KCNMA1: variants seen among roughly 807,000 people sequenced by gnomAD.
KCNMA1 encodes the protein potassium calcium-activated channel subfamily M alpha 1.
KCNMA1 carries 29 observed loss-of-function variants against 140.0 expected under a neutral mutation model. The observed-to-expected ratio is 0.21, with a 90% CI of 0.15 to 0.28. KCNMA1 has a LOEUF of 0.28. KCNMA1 is among the 10% of genes least tolerant of loss of function. The probability of loss-of-function intolerance (pLI) is 1.00; values close to 1 mark genes in which losing one functional copy is unlikely to be tolerated. For missense variants in KCNMA1, 880 were observed against 1,602.2 expected, an observed-to-expected ratio of 0.55 and a Z score of 7.70; for synonymous variants, 612 against 611.9, an observed-to-expected ratio of 1.00 and a Z score of 0.00.
chr10:77,193,049 GT>G (rs34588382), intron 3 of KCNMA1, among the ~76,000 whole-genome samples: 37 of 148,110 alleles, frequency 2.5e-4, no homozygotes, highest in Admixed American at 8.1e-4. Context: ...TTTTTTCCTA[GT>G]TTTTTTTTTT....
At position 76,963,641 on chromosome 10, in the gene KCNMA1, C is replaced by T. The variant is rs550093022; in HGVS notation, c.2360+6333G>A. ...CTCTGTGACTCTGTGGAACTCGAGGCATTGTGTCAACACTTGATTCTTGAT... is the reference window on the plus strand; with the variant it reads ...CTCTGTGACTCTGTGGAACTCGAGGTATTGTGTCAACACTTGATTCTTGAT... On this transcript the variant is annotated intron_variant, in intron 20 of 27. Coordinates refer to ENST00000286628, the MANE Select transcript of KCNMA1 (RefSeq NM_001161352.2). Among the ~76,000 whole-genome samples the T allele has an allele frequency of 3.3e-5, 5 of 152,274 alleles. No individual in the cohort carries two copies. The South Asian group carries it at 1.0e-3, about 32-fold the overall frequency.
chr10:77,475,244 G>A (rs2098253318), intron 1 of KCNMA1, among the ~76,000 whole-genome samples: 1 of 152,182 alleles, frequency 6.6e-6, no homozygotes, highest in Non-Finnish European at 1.5e-5. Context: ...GGTGCCCAGT[G>A]GCTTCTCAAG....
At chr10:77,118,480 A>G (rs1311216845) in intron 6 of KCNMA1, among the ~76,000 whole-genome samples, 1 of 151,962 alleles carries the variant, frequency 6.6e-6, no homozygotes, top group Admixed American at 6.5e-5. Context: ...TACCCTCTTA[A>G]CCTCATCCTC....
At chr10:77,039,258 G>A (rs1463551449) in intron 15 of KCNMA1, 1 of 539,254 alleles carries the variant, frequency 1.9e-6, no homozygotes, top group Non-Finnish European at 3.4e-6. Flanking sequence ...AAGGCATGCA[G>A]GATAACTGTA....
intron 17 of KCNMA1, among the ~76,000 whole-genome samples, chr10:77,012,742 AG>A (rs2091131309): frequency 1.3e-5 from 2 of 152,188 alleles, no homozygotes; most frequent in African/African-American, 2.4e-5. Flanking sequence ...GACCACTGGA[AG>A]GGGGTGAGTA....
chr10:77,098,224 A>T (rs997805875), intron 9 of KCNMA1, among the ~76,000 whole-genome samples: 3 of 152,170 alleles, frequency 2.0e-5, no homozygotes, highest in Admixed American at 1.3e-4. Flanking sequence ...TGCCGGGGAC[A>T]TTGGTAGATT....
intron 22 of KCNMA1, among the ~76,000 whole-genome samples, chr10:76,948,199 T>C (rs755468405): frequency 2.6e-5 from 4 of 151,930 alleles, no homozygotes; most frequent in Non-Finnish European, 4.4e-5. Flanking sequence ...AGAGAAGAGG[T>C]CTCACCATGT....
intron 18 of KCNMA1, among the ~76,000 whole-genome samples, chr10:77,006,493 G>A (rs1210929758): frequency 6.6e-6 from 1 of 152,198 alleles, no homozygotes; most frequent in East Asian, 1.9e-4. Context: ...CTTTGATGTG[G>A]CACTGGGAAT....
At position 76,966,790 on chromosome 10, in the gene KCNMA1, G is replaced by A. The variant is rs572389473; in HGVS notation, c.2360+3184C>T. Among the ~76,000 whole-genome samples, 69 of 152,294 alleles carry A rather than the reference G, an allele frequency of 4.5e-4. No individual in the cohort carries two copies. In the South Asian group the frequency reaches 9.7e-3, roughly 21 times the overall value. ...CCTCCATGGCTCACACCTCCTCTGC[G>A]GGTGTGGAGCCAAATTTATCCATCA... On this transcript the variant is annotated intron_variant, in intron 20 of 27. Coordinates refer to ENST00000286628, the MANE Select transcript of KCNMA1 (RefSeq NM_001161352.2).
intron 2 of KCNMA1, among the ~76,000 whole-genome samples, chr10:77,358,808 CA>C (rs1407328247): frequency 6.6e-6 from 1 of 152,228 alleles, no homozygotes; most frequent in Non-Finnish European, 1.5e-5. Flanking sequence ...TTACATAAAA[CA>C]TGTCCAAGGT....
intron 5 of KCNMA1, among the ~76,000 whole-genome samples, chr10:77,178,648 C>A (rs914150512): frequency 2.0e-5 from 3 of 151,966 alleles, no homozygotes; most frequent in Non-Finnish European, 4.4e-5. Context: ...GAGGTTGCAG[C>A]GAGCCAATAT....
chr10:77,318,399 G>A (rs1306003830), intron 2 of KCNMA1, among the ~76,000 whole-genome samples: 2 of 152,172 alleles, frequency 1.3e-5, no homozygotes. Flanking sequence ...GTTGGATTCT[G>A]AAGCTCATGC....
At chr10:76,942,432 T>C (rs368230961) in intron 23 of KCNMA1, among the ~76,000 whole-genome samples, 1 of 152,234 alleles carries the variant, frequency 6.6e-6, no homozygotes, top group Non-Finnish European at 1.5e-5. Flanking sequence ...CATAACTGTG[T>C]GCATGTGTGT....
intron 3 of KCNMA1, among the ~76,000 whole-genome samples, chr10:77,212,339 A>G (rs1437339437): frequency 1.3e-5 from 2 of 152,220 alleles, no homozygotes; most frequent in African/African-American, 2.4e-5. Context: ...AAGCAAATTA[A>G]CACAAAAACA....
chr10:77,502,720 C>T (rs568280015), intron 1 of KCNMA1, among the ~76,000 whole-genome samples: 26 of 152,212 alleles, frequency 1.7e-4, no homozygotes, highest in Non-Finnish European at 3.2e-4. Flanking sequence ...TCAGGCAAGC[C>T]ACTTACAACT....
At chr10:76,969,724 T>C (rs1305724227) in intron 20 of KCNMA1, among the ~76,000 whole-genome samples, 3 of 152,252 alleles carry the variant, frequency 2.0e-5, no homozygotes. Context: ...CTTTAAAGCC[T>C]ATGTATTTTT....
intron 3 of KCNMA1, among the ~76,000 whole-genome samples, chr10:77,194,911 A>G (rs2039927251): frequency 6.6e-6 from 1 of 152,206 alleles, no homozygotes; most frequent in African/African-American, 2.4e-5. Context: ...ACAGAAAACA[A>G]TGTCACATAA....
chr10:77,104,220 G>A (rs1452328604), intron 9 of KCNMA1, among the ~76,000 whole-genome samples: 2 of 149,500 alleles, frequency 1.3e-5, no homozygotes, highest in Non-Finnish European at 3.0e-5. Flanking sequence ...AGGCAGTCCT[G>A]GGGCTTTAGG....
At chr10:77,105,891 A>G (rs1373571169) in intron 9 of KCNMA1, among the ~76,000 whole-genome samples, 2 of 152,216 alleles carry the variant, frequency 1.3e-5, no homozygotes, top group East Asian at 3.8e-4. Flanking sequence ...ATCCCAAGCG[A>G]AAGAAAACTT....
Sources: allele counts gnomAD v4.1 joint callset (sites outside exome capture counted in the v4.1 genomes callset), GRCh38; gene constraint gnomAD v4.1.1; transcripts MANE v1.5; gene names NCBI Gene and HGNC (gene_info 2026-07-23, HGNC 2026-07-21).